Variants in AHCYL2 observed in about 807,000 individuals in gnomAD.
AHCYL2 encodes S-adenosylhomocysteine hydrolase-like protein 2.
A neutral mutation model predicts 81.4 loss-of-function variants in AHCYL2; 28 were observed. The ratio of observed to expected loss-of-function variants is 0.34; its 90% CI spans 0.25 to 0.47. AHCYL2 has a LOEUF of 0.47. AHCYL2 is among the 20% of genes least tolerant of loss of function. The pLI is 1.00. For synonymous variants in AHCYL2, 272 were observed against 290.2 expected (o/e 0.94, Z 0.64); for missense variants, 551 against 785.1 (o/e 0.70, Z 3.56).
intron 1 of AHCYL2, among the ~76,000 whole-genome samples, chr7:129,321,973 G>A (rs1798050849): frequency 6.6e-6 from 1 of 151,434 alleles, no homozygotes; most frequent in South Asian, 2.1e-4. Flanking sequence ...ATGGGGTTTC[G>A]CCATGTTGGC....
intron 1 of AHCYL2, among the ~76,000 whole-genome samples, chr7:129,298,850 C>T (rs1797142934): frequency 6.6e-6 from 1 of 152,176 alleles, no homozygotes. Flanking sequence ...TTATCACAAT[C>T]ATTACTGAAT....
chr7:129,338,595 C>T (rs989918334), intron 1 of AHCYL2, among the ~76,000 whole-genome samples: 11 of 152,138 alleles, frequency 7.2e-5, no homozygotes, highest in African/African-American at 2.4e-4. Context: ...TCGGATCTTT[C>T]CTGTTCTGAT....
chr7:129,389,016 ATT>A (rs35404531), intron 2 of AHCYL2, 38 bp from the exon 3 acceptor site: 130 of 1,397,118 alleles, frequency 9.3e-5, no homozygotes, highest in East Asian at 4.5e-4. Flanking sequence ...TAGAGGAAGC[ATT>A]TTTTTTTTTC....
At chr7:129,257,199 A>G (rs1338832241) in intron 1 of AHCYL2, among the ~76,000 whole-genome samples, 1 of 152,248 alleles carries the variant, frequency 6.6e-6, no homozygotes, top group Non-Finnish European at 1.5e-5. Context: ...TTGGAAATGT[A>G]TGCAGAAGTG....
chr7:129,335,730 A>ACTT (rs1482450510), intron 1 of AHCYL2, among the ~76,000 whole-genome samples: 2 of 152,144 alleles, frequency 1.3e-5, no homozygotes, highest in Non-Finnish European at 2.9e-5. Flanking sequence ...TGGTCTCAAG[A>ACTT]TAGTCAGGTT....
At position 129,426,744 on chromosome 7, in the gene AHCYL2, T is replaced by A. The variant is rs1797383012; in HGVS notation, c.1829+181T>A. ...CTTAAATAGTATTCCCCTTCCTGAA[T>A]TTGCCTTTTGGAGATAGAGAGGTGG... On this transcript the variant is annotated intron_variant, in intron 16 of 16. Coordinates refer to ENST00000325006, the MANE Select transcript of AHCYL2 (RefSeq NM_015328.4). This position sits in a 1 kb window ranked among gnomAD's most constrained non-coding sequence, Gnocchi z 4.3. 9.3e-6 allele frequency among the ~76,000 whole-genome samples: 1 copy of A among 107,872 alleles called. No individual in the cohort carries two copies. Among genetic ancestry groups the A allele is most frequent in the Non-Finnish European group, 2.3e-5 (1 of 42,564 alleles). The allele number at this position is 107,872 out of a possible 152,430, so 70.8% of individuals were successfully genotyped here. A position where few individuals can be genotyped will look rare whatever the true frequency, so the allele number is the denominator to read the frequency against.
chr7:129,311,413 C>G (rs569998520), intron 1 of AHCYL2, among the ~76,000 whole-genome samples: 1 of 152,320 alleles, frequency 6.6e-6, no homozygotes, highest in East Asian at 1.9e-4. Flanking sequence ...ATCATCTAAC[C>G]TAAATGCTGA....
chr7:129,329,805 G>T (rs766103936), intron 1 of AHCYL2, among the ~76,000 whole-genome samples: 1 of 152,130 alleles, frequency 6.6e-6, no homozygotes, highest in Non-Finnish European at 1.5e-5. Context: ...TTTTATTGTT[G>T]TTCTGTACCA....
chr7:129,307,448 T>C (rs1346923080), intron 1 of AHCYL2, among the ~76,000 whole-genome samples: 2 of 152,052 alleles, frequency 1.3e-5, no homozygotes, highest in Non-Finnish European at 2.9e-5. Context: ...CCAAGGGCTC[T>C]TCAGTCAGCT....
intron 1 of AHCYL2, among the ~76,000 whole-genome samples, chr7:129,267,237 G>GTGTATGTA (rs372737999): frequency 6.8e-6 from 1 of 147,598 alleles, no homozygotes; most frequent in Non-Finnish European, 1.5e-5. Context: ...AGGGGTGTGT[G>GTGTATGTA]TGTGTGTGTG....
At chr7:129,288,344 T>C (rs954906364) in intron 1 of AHCYL2, among the ~76,000 whole-genome samples, 35 of 152,152 alleles carry the variant, frequency 2.3e-4, no homozygotes, top group Admixed American at 1.3e-4. Flanking sequence ...TAAATTTGTA[T>C]TTGTATTTAT....
At chr7:129,304,120 T>C (rs1353443577) in intron 1 of AHCYL2, among the ~76,000 whole-genome samples, 1 of 152,200 alleles carries the variant, frequency 6.6e-6, no homozygotes, top group Non-Finnish European at 1.5e-5. Context: ...CTGCTTTAGC[T>C]GTATCCCATA....
intron 11 of AHCYL2, 74 bp downstream of exon 11, chr7:129,409,620 T>TA: frequency 7.5e-7 from 1 of 1,330,746 alleles, no homozygotes; most frequent in Non-Finnish European, 1.1e-6. Context: ...TGATTGGAAA[T>TA]ATTCTGAAAA....
chr7:129,274,048 A>C (rs1796110458), intron 1 of AHCYL2, among the ~76,000 whole-genome samples: 1 of 152,184 alleles, frequency 6.6e-6, no homozygotes, highest in Non-Finnish European at 1.5e-5. Flanking sequence ...AGGGTTGTGG[A>C]GAGTCATTCT....
intron 1 of AHCYL2, among the ~76,000 whole-genome samples, chr7:129,330,277 C>T (rs914525374): frequency 1.3e-5 from 2 of 152,132 alleles, no homozygotes; most frequent in Non-Finnish European, 2.9e-5. Context: ...GGATTTTAGG[C>T]GTGAGCCGCT....
At chr7:129,309,933 A>G (rs1797592093) in intron 1 of AHCYL2, among the ~76,000 whole-genome samples, 1 of 152,132 alleles carries the variant, frequency 6.6e-6, no homozygotes, top group Non-Finnish European at 1.5e-5. Context: ...CTGGGACACC[A>G]AAAAGTTTAG....
At chr7:129,232,712 G>C (rs185005902) in intron 1 of AHCYL2, among the ~76,000 whole-genome samples, 28 of 152,348 alleles carry the variant, frequency 1.8e-4, no homozygotes, top group Admixed American at 1.2e-3. Flanking sequence ...CTAGCAGCAA[G>C]ATCAAGTTAT....
intron 1 of AHCYL2, among the ~76,000 whole-genome samples, chr7:129,339,830 A>T (rs1431902938): frequency 1.4e-5 from 2 of 141,432 alleles, no homozygotes; most frequent in Non-Finnish European, 3.1e-5. Context: ...TCGCCTGGCC[A>T]CTAATTGATT....
rs1432280163 is a variant in AHCYL2 at position 129,321,747 on chromosome 7, T to TG, written c.364-57891_364-57890insG. Among the ~76,000 whole-genome samples, 16 of 129,552 alleles carry TG rather than the reference T, an allele frequency of 1.2e-4. No homozygotes were observed. In the East Asian group the frequency reaches 2.8e-3, roughly 22 times the overall value. 85.0% of individuals were successfully genotyped at this position (129,552 alleles called of 152,430 possible). A position where few individuals can be genotyped will look rare whatever the true frequency, so the allele number is the denominator to read the frequency against. On this transcript the variant is annotated intron_variant, in intron 1 of 16. Coordinates refer to ENST00000325006, the MANE Select transcript of AHCYL2 (RefSeq NM_015328.4). ...TGGAATTTGTATTCTTTCTTTGTTT[T>TG]TTTTTTTTTTTTTTTTTGGTCTTGG...
Sources: gnomAD v4.1 joint callset for allele counts (sites outside exome capture counted in the v4.1 genomes callset) on GRCh38, gnomAD v4.1.1 for gene constraint, Gnocchi (gnomAD v3.1) non-coding constraint, MANE v1.5 for transcripts, NCBI Gene and HGNC (gene_info 2026-07-23, HGNC 2026-07-21) for gene names.